Variants in DPP10 observed in about 807,000 individuals in gnomAD.
The protein encoded by DPP10 is dipeptidyl peptidase like 10.
In DPP10, 33 loss-of-function variants were observed where a neutral mutation model predicts 120.9. The ratio of observed to expected loss-of-function variants is 0.27; its 90% CI spans 0.21 to 0.37. The LOEUF (loss-of-function observed/expected upper bound fraction) is 0.37, where lower values mean the gene tolerates loss of function less well. Among genes scored for constraint, DPP10 ranks in the 10% least tolerant of loss-of-function variants. DPP10 has a pLI of 1.00. For synonymous variants in DPP10, 337 were observed against 326.1 expected, an observed-to-expected ratio of 1.03 and a Z score of -0.36; for missense variants, 816 against 942.8, an observed-to-expected ratio of 0.87 and a Z score of 1.76.
intron 1 of DPP10, among the ~76,000 whole-genome samples, chr2:114,524,469 A>C (rs1268133481): frequency 6.6e-6 from 1 of 152,196 alleles, no homozygotes; most frequent in Non-Finnish European, 1.5e-5. Context: ...GAGCTAAAAT[A>C]ATCTTTGAAA....
At chr2:114,785,282 C>T (rs1388559562) in intron 1 of DPP10, among the ~76,000 whole-genome samples, 3 of 151,530 alleles carry the variant, frequency 2.0e-5, no homozygotes, top group African/African-American at 7.3e-5. Flanking sequence ...TTCCTTCTCA[C>T]ACTGCTGCCC....
At chr2:114,937,462 A>C (rs1696569415) in intron 1 of DPP10, among the ~76,000 whole-genome samples, 1 of 152,132 alleles carries the variant, frequency 6.6e-6, no homozygotes, top group South Asian at 2.1e-4. Context: ...GATCTGCAGG[A>C]CTGTCATCAG....
chr2:115,161,963 G>A (rs928699488), intron 1 of DPP10: 21 of 1,432,064 alleles, frequency 1.5e-5, no homozygotes, highest in African/African-American at 3.0e-5. Flanking sequence ...GGCGATGACG[G>A]CCGCGAAGCA....
chr2:115,251,706 T>G (rs1480210591), intron 1 of DPP10, among the ~76,000 whole-genome samples: 1 of 152,220 alleles, frequency 6.6e-6, no homozygotes, highest in Non-Finnish European at 1.5e-5. Flanking sequence ...TCCAACATTA[T>G]TAATGATTTA....
chr2:114,702,361 T>G (rs1191192204), intron 1 of DPP10, among the ~76,000 whole-genome samples: 1 of 151,748 alleles, frequency 6.6e-6, no homozygotes, highest in Non-Finnish European at 1.5e-5. Context: ...GATGAAATGG[T>G]GTGAGCCACT....
intron 1 of DPP10, among the ~76,000 whole-genome samples, chr2:114,757,345 T>C (rs994412020): frequency 3.5e-5 from 3 of 85,894 alleles, no homozygotes; most frequent in Admixed American, 1.9e-4. Flanking sequence ...GGAAGAGAAG[T>C]AGGGAGAGGG....
intron 1 of DPP10, among the ~76,000 whole-genome samples, chr2:115,039,117 C>T (rs1483204460): frequency 1.3e-5 from 2 of 152,012 alleles, no homozygotes; most frequent in Non-Finnish European, 2.9e-5. Flanking sequence ...GAATGCACAA[C>T]GGCAGAAAGC....
chr2:115,529,461 T>C (rs1016869815), intron 5 of DPP10, among the ~76,000 whole-genome samples: 1 of 622 alleles, frequency 1.6e-3, no homozygotes, highest in African/African-American at 1.8e-3. Flanking sequence ...TGGCAAAAGT[T>C]TTTTTTTTTT....
chr2:115,188,648 A>G (rs1017559366), intron 1 of DPP10, among the ~76,000 whole-genome samples: 2 of 152,226 alleles, frequency 1.3e-5, no homozygotes, highest in Non-Finnish European at 2.9e-5. Flanking sequence ...AATACCATTT[A>G]TCACCTTGAG....
At chr2:115,282,827 T>C (rs749031950) in intron 1 of DPP10, among the ~76,000 whole-genome samples, 8 of 151,774 alleles carry the variant, frequency 5.3e-5, no homozygotes, top group Non-Finnish European at 8.8e-5. Flanking sequence ...TCAGTCTCAC[T>C]GACAAAATAC....
chr2:115,308,200 T>G (rs2061433945), intron 1 of DPP10, among the ~76,000 whole-genome samples: 1 of 152,144 alleles, frequency 6.6e-6, no homozygotes, highest in African/African-American at 2.4e-5. Context: ...TGTACAAATT[T>G]ATTAAATGTT....
At chr2:115,235,985 A>G (rs574172824) in intron 1 of DPP10, among the ~76,000 whole-genome samples, 43 of 152,232 alleles carry the variant, frequency 2.8e-4, no homozygotes, top group African/African-American at 9.9e-4. Flanking sequence ...TCTCAACTCT[A>G]ATTCCTTAGG....
intron 1 of DPP10, among the ~76,000 whole-genome samples, chr2:114,844,890 T>C (rs1688423685): frequency 1.3e-5 from 2 of 152,156 alleles, no homozygotes; most frequent in South Asian, 4.1e-4. Context: ...ACTAAGTTAC[T>C]GACCAAAGTC....
intron 1 of DPP10, among the ~76,000 whole-genome samples, chr2:114,976,938 C>T (rs1345006603): frequency 6.6e-6 from 1 of 152,102 alleles, no homozygotes; most frequent in African/African-American, 2.4e-5. Flanking sequence ...CCATATCTAT[C>T]ATCTTCTAAT....
At chr2:115,200,156 A>G (rs979747904) in intron 1 of DPP10, among the ~76,000 whole-genome samples, 3 of 152,206 alleles carry the variant, frequency 2.0e-5, no homozygotes, top group Non-Finnish European at 4.4e-5. Context: ...ACAGTGCAAC[A>G]AAACGAACTG....
intron 3 of DPP10, chr2:115,468,166 C>T (rs1297310286): frequency 6.1e-6 from 3 of 493,918 alleles, no homozygotes; most frequent in Non-Finnish European, 1.2e-5. Context: ...TGGATCAGTA[C>T]ATCTGGAAAA....
intron 14 of DPP10, 66 bp from the exon 15 acceptor site, chr2:115,777,721 C>G: frequency 6.5e-7 from 1 of 1,545,762 alleles, no homozygotes; most frequent in Non-Finnish European, 8.9e-7. Context: ...GACAATGTGA[C>G]AAAATTCACA....
intron 1 of DPP10, among the ~76,000 whole-genome samples, chr2:114,872,474 A>G (rs891364227): frequency 1.3e-5 from 2 of 152,204 alleles, no homozygotes; most frequent in Non-Finnish European, 2.9e-5. Flanking sequence ...GCCAGATCAT[A>G]TCACAGACTC....
At chr2:114,849,642 G>A (rs945495648) in intron 1 of DPP10, among the ~76,000 whole-genome samples, 6 of 152,138 alleles carry the variant, frequency 3.9e-5, no homozygotes, top group East Asian at 3.9e-4. Flanking sequence ...GTGAGCCACC[G>A]TGAGTGGCCA....
Sources: gnomAD v4.1 joint callset for allele counts (sites outside exome capture counted in the v4.1 genomes callset) on GRCh38, gnomAD v4.1.1 for gene constraint, MANE v1.5 for transcripts, NCBI Gene and HGNC (gene_info 2026-07-23, HGNC 2026-07-21) for gene names.